SHROOM2: variants seen among roughly 807,000 people sequenced by gnomAD.
SHROOM2 encodes shroom family member 2, also known as protein Shroom2.
In SHROOM2, 33 loss-of-function variants were observed where a neutral mutation model predicts 75.9. The ratio of observed to expected loss-of-function variants is 0.43; its 90% CI spans 0.33 to 0.58. SHROOM2 has a LOEUF of 0.58. SHROOM2 is among the 20% of genes least tolerant of loss of function. SHROOM2 has a pLI of 0.04. For missense variants in SHROOM2, 1,434 were observed against 1,461.2 expected, an observed-to-expected ratio of 0.98 and a Z score of 0.30; for synonymous variants, 655 against 663.6, an observed-to-expected ratio of 0.99 and a Z score of 0.20.
At chrX:9,833,080 AG>A (rs1436920811) in intron 1 of SHROOM2, among the ~76,000 whole-genome samples, 51 of 110,892 alleles carry the variant, frequency 4.6e-4, no homozygotes, top group African/African-American at 1.6e-3. Context: ...CTTGTGGAGA[AG>A]GAAAACAGCA....
At position 9,896,476 on chromosome X, in the gene SHROOM2, C is replaced by T. The variant is rs371590825; in HGVS notation, c.2568C>T (p.Ser856=). 6.8e-5 allele frequency: 82 copies of T among 1,209,257 alleles called. No homozygotes were observed. Among genetic ancestry groups the T allele is most frequent in the Non-Finnish European group, 8.5e-5 (76 of 894,511 alleles). The stretch of plus-strand genomic sequence containing the variant: ...TTGGGGACAGCCTCAACGCTCACAG[C>T]GCAGCGGAGAAGGCAGGGACTTCAG... ...TSLGDSLNAH[S]AAEKAGTSDL... Residue 856 remains serine (S), a synonymous_variant, in exon 4 of 10, where the codon AGC becomes AGT. Coordinates refer to ENST00000380913, the MANE Select transcript of SHROOM2 (RefSeq NM_001649.4).
Position 9,932,867 on chromosome X carries a change from C to T in SHROOM2, c.3584C>T (p.Thr1195Ile), listed in dbSNP as rs774647043. ...CTGCTCATCCAGGATGAGGATTCAA[C>T]CAGGTACTGTCCTGCGACGGTGTTC... ...PPLLIQDEDSTRIERVMDNNT... is the reference protein window; with the variant it reads ...PPLLIQDEDSIRIERVMDNNT... Residue 1195 changes from threonine to isoleucine, a missense_variant, in exon 6 of 10, where the codon ACC (threonine) becomes ATC (isoleucine). Physicochemically the swap from Thr to Ile is moderately conservative, Grantham distance 89 (BLOSUM62 -1). This residue lies in a region of SHROOM2 where 1,340 missense variants were observed against 1,338.3 expected (regional missense o/e 1.00). Coordinates refer to ENST00000380913, the MANE Select transcript of SHROOM2 (RefSeq NM_001649.4). 1.7e-6 allele frequency: 2 copies of T among 1,183,756 alleles called. No individual in the cohort carries two copies. The highest frequency in any genetic ancestry group is 4.5e-5 in the Admixed American group (2 of 44,757).
Position 9,895,500 on chromosome X carries a change from A to C in SHROOM2, c.1592A>C (p.Glu531Ala). The part of the protein sequence containing the change: ...PQPEGPPDAR[E>A]TGRCYPLDKG... ...CCTGAGGGTCCTCCGGATGCCCGCGAGACAGGACGGTGTTACCCGCTGGAC... is the reference window on the plus strand; with the variant it reads ...CCTGAGGGTCCTCCGGATGCCCGCGCGACAGGACGGTGTTACCCGCTGGAC... The change falls in exon 4 of 10, where the codon GAG becomes GCG. Residue 531 changes from glutamate (E) to alanine (A), a missense_variant. By Grantham distance (107) the Glu-to-Ala change is moderately radical. Transcript: ENST00000380913. 8.3e-7 allele frequency: 1 copy of C among 1,205,567 alleles called. No homozygotes were observed. Among genetic ancestry groups the C allele is most frequent in the Non-Finnish European group, 1.1e-6 (1 of 892,997 alleles).
At chrX:9,933,082 G>C (rs993954991) in intron 6 of SHROOM2, among the ~76,000 whole-genome samples, 5 of 111,352 alleles carry the variant, frequency 4.5e-5, no homozygotes, top group African/African-American at 1.6e-4. Context: ...GTTTCCTGCA[G>C]GGAACAGGGG....
chrX:9,850,147 C>T (rs1451249922), intron 1 of SHROOM2, among the ~76,000 whole-genome samples: 2 of 111,893 alleles, frequency 1.8e-5, no homozygotes, highest in African/African-American at 6.5e-5. Flanking sequence ...GGCTGGGCTG[C>T]GTGGCAGCTC....
At chrX:9,849,495 G>A (rs1225811493) in intron 1 of SHROOM2, among the ~76,000 whole-genome samples, 2 of 112,071 alleles carry the variant, frequency 1.8e-5, no homozygotes, top group Admixed American at 9.5e-5. Flanking sequence ...CTGGGCGGGC[G>A]TGGCTAGGAG....
chrX:9,802,248 G>A (rs1246834878), intron 1 of SHROOM2, among the ~76,000 whole-genome samples: 1 of 111,258 alleles, frequency 9.0e-6, no homozygotes, highest in Non-Finnish European at 1.9e-5. Context: ...GCAGACTCTT[G>A]TTAGGCAAAG....
chrX:9,791,761 G>A (rs1471603247), intron 1 of SHROOM2, among the ~76,000 whole-genome samples: 1 of 110,716 alleles, frequency 9.0e-6, no homozygotes, highest in African/African-American at 3.3e-5. Context: ...GGGAGGCCGA[G>A]GCGAGTGAAT....
chrX:9,942,222 G>A (rs2084778261), intron 8 of SHROOM2, among the ~76,000 whole-genome samples: 1 of 111,792 alleles, frequency 8.9e-6, no homozygotes, highest in Non-Finnish European at 1.9e-5. Flanking sequence ...AGTAGGAAAA[G>A]GCACAAACCA....
chrX:9,786,779 G>A, intron 1 of SHROOM2, 69 bp downstream of exon 1: 1 of 789,438 alleles, frequency 1.3e-6, no homozygotes, highest in South Asian at 6.9e-5. Context: ...CGTCGAGGTA[G>A]GGGCGCGGGA....
Position 9,896,695 on chromosome X carries a change from G to A in SHROOM2, c.2787G>A (p.Lys929=), listed in dbSNP as rs1329707381. ...SRSSPSTDHY[K]QEASVELRRQ... ...CTTCACCGTCCACAGACCACTACAA[G>A]CAGGTAAGCATGGAGCCACAGCCCC... The change falls in exon 4 of 10, where the codon AAG becomes AAA. Residue 929 remains lysine, a synonymous_variant. Transcript: ENST00000380913. The A allele has an allele frequency of 8.5e-7, 1 of 1,172,712 alleles. No homozygotes were observed. Among genetic ancestry groups the A allele is most frequent in the African/African-American group, 1.8e-5 (1 of 56,681 alleles).
At chrX:9,789,573 C>A (rs770347682) in intron 1 of SHROOM2, among the ~76,000 whole-genome samples, 73 of 111,280 alleles carry the variant, frequency 6.6e-4, no homozygotes, top group Non-Finnish European at 1.2e-3. Context: ...TGTTCCCATC[C>A]ATTCAACCAG....
rs1479188457 is a variant in SHROOM2, at chrX:9,947,591, T to A, written c.*654T>A. The stretch of plus-strand genomic sequence containing the variant: ...CTCATTCTCAGATTAAATTGCCACT[T>A]AAAGAAATAACGTGCATGCTTTAAA... On this transcript the variant is annotated 3_prime_UTR_variant, in exon 10 of 10. Coordinates refer to ENST00000380913, the MANE Select transcript of SHROOM2 (RefSeq NM_001649.4). The A allele has an allele frequency of 8.9e-6, 1 of 112,509 alleles. No homozygotes were observed. Among genetic ancestry groups the A allele is most frequent in the East Asian group, 2.8e-4 (1 of 3,608 alleles). 9.3% of individuals were successfully genotyped at this position (112,509 alleles called of 1,213,427 possible).
In SHROOM2 at chrX:9,815,432, TTA is replaced by T. The variant is rs1555923228; in HGVS notation, c.165+28724_165+28725del. On this transcript the variant is annotated intron_variant, in intron 1 of 9. Transcript: ENST00000380913. ...AGAACTAATAGGATAGATATACATA[TTA>T]TGTGTGTGTGTGTGTGTGTGTGTGT... Among the ~76,000 whole-genome samples the T allele has an allele frequency of 1.2e-4, 6 of 48,388 alleles. No homozygotes were observed. The South Asian group carries it at 6.4e-3, about 52-fold the overall frequency. The allele number at this position is 48,388 out of a possible 115,157, so 42.0% of individuals were successfully genotyped here.
intron 5 of SHROOM2, among the ~76,000 whole-genome samples, chrX:9,907,512 C>T (rs1461190402): frequency 3.6e-5 from 4 of 111,383 alleles, no homozygotes; most frequent in African/African-American, 1.3e-4. Flanking sequence ...GCGACACTCT[C>T]AAGCAGCTCA....
chrX:9,881,778 C>G (rs2084232793), intron 2 of SHROOM2, among the ~76,000 whole-genome samples: 1 of 112,058 alleles, frequency 8.9e-6, no homozygotes, highest in Non-Finnish European at 1.9e-5. Flanking sequence ...GGTCTGGGCT[C>G]AATGTTTCTT....
Position 9,811,326 on chromosome X carries a change from A to G in SHROOM2, c.165+24616A>G, listed in dbSNP as rs753310020. 7.9e-4 allele frequency among the ~76,000 whole-genome samples: 88 copies of G among 111,943 alleles called. No homozygotes were observed. The Admixed American group carries it at 8.2e-3, about 10-fold the overall frequency. ...AACCTCCGTCCCTGCCACCATGGCC[A>G]CTTTGTTCATGGGCCCATTGGGCGA... On this transcript the variant is annotated intron_variant, in intron 1 of 9. Transcript: ENST00000380913.
intron 6 of SHROOM2, among the ~76,000 whole-genome samples, chrX:9,934,999 C>T (rs1364887934): frequency 9.0e-6 from 1 of 111,311 alleles, no homozygotes; most frequent in African/African-American, 3.3e-5. Flanking sequence ...TCTCAAACTC[C>T]TGACCTCAGG....
chrX:9,787,601 GT>G (rs1601902342), intron 1 of SHROOM2, among the ~76,000 whole-genome samples: 1 of 112,331 alleles, frequency 8.9e-6, no homozygotes, highest in Non-Finnish European at 1.9e-5. Context: ...TAATTTACTG[GT>G]TTTCTCGGCT....
Sources: gnomAD v4.1 joint callset for allele counts (sites outside exome capture counted in the v4.1 genomes callset) on GRCh38, gnomAD v4.1.1 for gene constraint, gnomAD v4.1.1 regional missense constraint, MANE v1.5 for transcripts, NCBI Gene and HGNC (gene_info 2026-07-23, HGNC 2026-07-21) for gene names.